The following UHRF2 variants were observed in gnomAD, a reference collection of about 807,000 sequenced individuals.
The protein encoded by UHRF2 is ubiquitin like with PHD and ring finger domains 2, also known as E3 ubiquitin-protein ligase UHRF2.
UHRF2 carries 23 observed loss-of-function variants against 96.8 expected under a neutral mutation model. That is an observed-to-expected ratio of 0.24 (90% CI 0.17 to 0.34). The LOEUF (loss-of-function observed/expected upper bound fraction) is 0.34, where lower values mean the gene tolerates loss of function less well. Among genes scored for constraint, UHRF2 ranks in the 10% least tolerant of loss-of-function variants. The pLI, the probability that UHRF2 is intolerant of heterozygous loss-of-function variation, is 1.00. For synonymous variants in UHRF2, 385 were observed against 332.6 expected (o/e 1.16, Z -1.72); for missense variants, 685 against 981.5 (o/e 0.70, Z 4.04).
chr9:6,424,072 C>T (rs1820097135), intron 2 of UHRF2, among the ~76,000 whole-genome samples: 1 of 152,184 alleles, frequency 6.6e-6, no homozygotes, highest in Non-Finnish European at 1.5e-5. Context: ...CCAATTCATG[C>T]TTCCTTATTT....
At chr9:6,436,575 A>G (rs899355834) in intron 3 of UHRF2, among the ~76,000 whole-genome samples, 4 of 152,224 alleles carry the variant, frequency 2.6e-5, no homozygotes, top group Non-Finnish European at 4.4e-5. Flanking sequence ...TTGGCAAATA[A>G]TATTATGCAG....
In UHRF2 at chr9:6,460,772, C is replaced by G. The variant is rs1298554053; in HGVS notation, c.844C>G (p.Arg282Gly). 2 of 1,612,180 alleles carry G rather than the reference C, an allele frequency of 1.2e-6. No individual in the cohort carries two copies. The highest frequency in any genetic ancestry group is 1.3e-5 in the African/African-American group (1 of 74,768). The stretch of plus-strand genomic sequence containing the variant: ...AATCTCAAGGACCAAAAAAGAACTT[C>G]GTGTGAAAATTTTCCTGGGGTAAGA... ...KTISRTKKEL[R>G]VKIFLGGSEG... The change falls in exon 4 of 16, where the codon CGT (arginine) becomes GGT (glycine). Residue 282 changes from arginine to glycine, a missense_variant. Physicochemically the swap from Arg to Gly is moderately radical, Grantham distance 125 (BLOSUM62 -2). Transcript: ENST00000276893.
chr9:6,449,491 C>T (rs1300330760), intron 3 of UHRF2: 1 of 152,226 alleles, frequency 6.6e-6, no homozygotes, highest in Non-Finnish European at 1.5e-5. Flanking sequence ...GTGTTACCTT[C>T]ATCTTGTCGT....
intron 3 of UHRF2, chr9:6,449,483 G>GT (rs1393031905): frequency 6.6e-6 from 1 of 152,170 alleles, no homozygotes; most frequent in Non-Finnish European, 1.5e-5. Context: ...TTTCATAGGT[G>GT]TTACCTTCAT....
At chr9:6,413,664 C>T in intron 1 of UHRF2, 21 bp downstream of exon 1, 1 of 1,554,302 alleles carries the variant, frequency 6.4e-7, no homozygotes, top group Non-Finnish European at 8.7e-7. Flanking sequence ...CCCGCCGCGC[C>T]CCTAGCGAGG....
chr9:6,496,901 A>G (rs1825007816), intron 10 of UHRF2: 1 of 232,882 alleles, frequency 4.3e-6, no homozygotes, highest in Admixed American at 5.5e-5. Flanking sequence ...TTTAAAGAAA[A>G]ATTCCATGTA....
intron 14 of UHRF2, among the ~76,000 whole-genome samples, chr9:6,503,450 C>T (rs115420397): frequency 2.3e-3 from 346 of 151,518 alleles, no homozygotes; most frequent in Middle Eastern, 0.021. Flanking sequence ...CCAGTAATGG[C>T]TTTTGAAGAA....
chr9:6,496,977 TC>T (rs1454010659), intron 10 of UHRF2: 2 of 469,658 alleles, frequency 4.3e-6, no homozygotes, highest in Non-Finnish European at 7.6e-6. Flanking sequence ...CTACAGGCTA[TC>T]TGAGAACCAA....
At chr9:6,429,248 A>G (rs954202663) in intron 2 of UHRF2, among the ~76,000 whole-genome samples, 16 of 152,022 alleles carry the variant, frequency 1.1e-4, no homozygotes, top group African/African-American at 3.9e-4. Context: ...TAACTCCCAC[A>G]TTTTTTACCT....
intron 2 of UHRF2, among the ~76,000 whole-genome samples, chr9:6,427,377 T>G (rs138651742): frequency 2.0e-5 from 3 of 152,266 alleles, no homozygotes; most frequent in Non-Finnish European, 2.9e-5. Flanking sequence ...AGGTAAACAT[T>G]TAAACAGTAT....
At chr9:6,481,555 C>T in intron 6 of UHRF2, 88 bp from the exon 7 acceptor site, 4 of 1,474,330 alleles carry the variant, frequency 2.7e-6, no homozygotes, top group Non-Finnish European at 3.7e-6. Context: ...CATCTTAAAA[C>T]TTGCTCTTAC....
At chr9:6,477,229 A>G (rs2130897429) in intron 5 of UHRF2, among the ~76,000 whole-genome samples, 1 of 149,744 alleles carries the variant, frequency 6.7e-6, no homozygotes, top group South Asian at 2.1e-4. Context: ...GTGAGACTCC[A>G]TCTCAAAAAA....
intron 4 of UHRF2, among the ~76,000 whole-genome samples, chr9:6,469,833 G>C (rs561293333): frequency 6.6e-6 from 1 of 151,582 alleles, no homozygotes; most frequent in South Asian, 2.1e-4. Context: ...CTAAAGAAGA[G>C]AGTAGAGTGA....
chr9:6,486,080 A>G (rs1330827200), intron 8 of UHRF2, among the ~76,000 whole-genome samples: 1 of 152,198 alleles, frequency 6.6e-6, no homozygotes, highest in East Asian at 1.9e-4. Flanking sequence ...AGCCATATTT[A>G]GAGAGGGTAA....
intron 4 of UHRF2, among the ~76,000 whole-genome samples, chr9:6,472,085 A>G (rs1382257790): frequency 6.6e-6 from 1 of 152,200 alleles, no homozygotes; most frequent in Non-Finnish European, 1.5e-5. Flanking sequence ...ACTAATCAAA[A>G]CACAATGTTT....
At chr9:6,503,703 T>C (rs1370776807) in intron 14 of UHRF2, among the ~76,000 whole-genome samples, 1 of 152,124 alleles carries the variant, frequency 6.6e-6, no homozygotes, top group Admixed American at 6.6e-5. Flanking sequence ...CAGCAGAAGA[T>C]TGAATAGATA....
At chr9:6,456,524 C>T (rs1426104642) in intron 3 of UHRF2, among the ~76,000 whole-genome samples, 1 of 152,164 alleles carries the variant, frequency 6.6e-6, no homozygotes, top group East Asian at 1.9e-4. Flanking sequence ...TGTGCAGCAG[C>T]TCTTTAGTTT....
chr9:6,471,576 A>C (rs1823241570), intron 4 of UHRF2, among the ~76,000 whole-genome samples: 1 of 152,170 alleles, frequency 6.6e-6, no homozygotes, highest in African/African-American at 2.4e-5. Context: ...GCATGTGATG[A>C]GGCTATCCAG....
intron 8 of UHRF2, chr9:6,484,785 CTTTTTTTTTTT>C (rs34815980): frequency 1.5e-5 from 1 of 66,278 alleles, no homozygotes; most frequent in African/African-American, 6.7e-5. Context: ...TCACTTCTTT[CTTTTTTTTTTT>C]TTTTTTTTTT....
Sources: gnomAD v4.1 joint callset for allele counts (sites outside exome capture counted in the v4.1 genomes callset) on GRCh38, gnomAD v4.1.1 for gene constraint, MANE v1.5 for transcripts, NCBI Gene and HGNC (gene_info 2026-07-23, HGNC 2026-07-21) for gene names.